LRMDA: variants seen among roughly 807,000 people sequenced by gnomAD.
LRMDA encodes the protein leucine-rich melanocyte differentiation-associated protein.
Under a neutral mutation model 29.8 loss-of-function variants are expected in LRMDA, and 18 were observed. That is an observed-to-expected ratio of 0.60 (90% CI 0.42 to 0.90). The LOEUF is 0.90. LRMDA is among the 40% of genes least tolerant of loss of function. LRMDA has a pLI of 0.00. For missense variants in LRMDA, 273 were observed against 273.9 expected (o/e 1.00, Z 0.02); for synonymous variants, 125 against 109.4 (o/e 1.14, Z -0.89).
At chr10:75,523,537 G>A (rs1436332660) in intron 2 of LRMDA, among the ~76,000 whole-genome samples, 1 of 152,194 alleles carries the variant, frequency 6.6e-6, no homozygotes. Context: ...GGAGCTATGT[G>A]GGGACTGTGT....
chr10:76,201,872 T>C (rs904309567), intron 5 of LRMDA, among the ~76,000 whole-genome samples: 5 of 152,164 alleles, frequency 3.3e-5, no homozygotes, highest in South Asian at 2.1e-4. Context: ...GTTGTGCAGA[T>C]TGGCAGTTTG....
chr10:75,630,623 C>T (rs140294950), intron 2 of LRMDA, among the ~76,000 whole-genome samples: 3 of 152,288 alleles, frequency 2.0e-5, no homozygotes, highest in African/African-American at 4.8e-5. Flanking sequence ...TTGAAAATTT[C>T]CAAATCTCTC....
chr10:76,484,480 C>G (rs774063637), intron 6 of LRMDA, among the ~76,000 whole-genome samples: 1 of 151,892 alleles, frequency 6.6e-6, no homozygotes, highest in East Asian at 2.0e-4. Context: ...CTTTGATTTT[C>G]TCCTTTGGTG....
chr10:75,855,780 T>G (rs1844814910), intron 2 of LRMDA, among the ~76,000 whole-genome samples: 1 of 152,228 alleles, frequency 6.6e-6, no homozygotes, highest in African/African-American at 2.4e-5. Flanking sequence ...GCTTTCTACA[T>G]ATGGCTAGCC....
At chr10:76,469,769 G>C (rs2132315670) in intron 6 of LRMDA, among the ~76,000 whole-genome samples, 1 of 152,158 alleles carries the variant, frequency 6.6e-6, no homozygotes, top group African/African-American at 2.4e-5. Flanking sequence ...GAAACAGATA[G>C]CTAAGAACTC....
chr10:75,538,556 C>G (rs1343119480), intron 2 of LRMDA, among the ~76,000 whole-genome samples: 1 of 152,144 alleles, frequency 6.6e-6, no homozygotes, highest in African/African-American at 2.4e-5. Context: ...TGGCACTTCA[C>G]TGAGCATGAA....
At chr10:76,182,643 C>G (rs1279099918) in intron 5 of LRMDA, among the ~76,000 whole-genome samples, 2 of 152,070 alleles carry the variant, frequency 1.3e-5, no homozygotes, top group East Asian at 3.9e-4. Context: ...AGTTAGCACA[C>G]TGTAGACAGG....
At chr10:76,479,047 T>A (rs949421629) in intron 6 of LRMDA, among the ~76,000 whole-genome samples, 2 of 151,096 alleles carry the variant, frequency 1.3e-5, no homozygotes, top group South Asian at 4.2e-4. Flanking sequence ...TAAAGTATAA[T>A]AAAAATATAT....
At chr10:76,084,891 C>T (rs1427831589) in intron 5 of LRMDA, among the ~76,000 whole-genome samples, 3 of 152,126 alleles carry the variant, frequency 2.0e-5, no homozygotes, top group African/African-American at 7.2e-5. Flanking sequence ...TCTCTTAGGT[C>T]CTTGCTCAAT....
chr10:75,783,206 C>T (rs763415420), intron 2 of LRMDA, among the ~76,000 whole-genome samples: 1 of 152,060 alleles, frequency 6.6e-6, no homozygotes, highest in Non-Finnish European at 1.5e-5. Flanking sequence ...TGGGTATTAG[C>T]TGTGTTGAAA....
chr10:76,385,649 C>T (rs1841650481), intron 6 of LRMDA, among the ~76,000 whole-genome samples: 4 of 152,198 alleles, frequency 2.6e-5, no homozygotes, highest in African/African-American at 7.2e-5. Context: ...CTCTACATTT[C>T]TGGAAGTCCT....
intron 5 of LRMDA, among the ~76,000 whole-genome samples, chr10:76,210,149 C>A (rs1352658113): frequency 1.3e-5 from 2 of 152,160 alleles, no homozygotes; most frequent in African/African-American, 4.8e-5. Context: ...CCTAAACATT[C>A]AATCAGTTAA....
chr10:75,602,338 C>T (rs1021710847), intron 2 of LRMDA, among the ~76,000 whole-genome samples: 2 of 152,154 alleles, frequency 1.3e-5, no homozygotes, highest in Non-Finnish European at 2.9e-5. Context: ...AGCATATGGA[C>T]TGAATAAACT....
intron 2 of LRMDA, among the ~76,000 whole-genome samples, chr10:75,670,678 T>C (rs1841880520): frequency 6.6e-6 from 1 of 152,214 alleles, no homozygotes; most frequent in Non-Finnish European, 1.5e-5. Flanking sequence ...TTCTCTCTCC[T>C]TCCCGTTTGT....
chr10:75,561,219 G>T (rs9416068), intron 2 of LRMDA, among the ~76,000 whole-genome samples: 4 of 150,566 alleles, frequency 2.7e-5, no homozygotes, highest in Admixed American at 2.7e-4. Context: ...AGAGCCTGTT[G>T]TTGGTCTATT....
At chr10:76,318,475 T>A (rs886474763) in intron 5 of LRMDA, 1 of 152,410 alleles carries the variant, frequency 6.6e-6, no homozygotes, top group Non-Finnish European at 1.5e-5. Flanking sequence ...CACCAGCCTC[T>A]GCTGTGACCA....
intron 5 of LRMDA, among the ~76,000 whole-genome samples, chr10:76,075,290 A>T (rs866211066): frequency 6.6e-6 from 1 of 152,218 alleles, no homozygotes; most frequent in African/African-American, 2.4e-5. Flanking sequence ...TGTTTCCCTT[A>T]TAAGAAGAGG....
chr10:76,540,707 A>T (rs1843344370), intron 6 of LRMDA, among the ~76,000 whole-genome samples: 1 of 152,182 alleles, frequency 6.6e-6, no homozygotes, highest in Non-Finnish European at 1.5e-5. Context: ...TCTGTTGAAA[A>T]TTTGTACCAA....
At chr10:76,304,516 A>G (rs1292375675) in intron 5 of LRMDA, among the ~76,000 whole-genome samples, 2 of 152,162 alleles carry the variant, frequency 1.3e-5, no homozygotes, top group Non-Finnish European at 2.9e-5. Context: ...CCACCTGTCC[A>G]ACACTGAGAA....
Sources: allele counts gnomAD v4.1 joint callset (sites outside exome capture counted in the v4.1 genomes callset), GRCh38; gene constraint gnomAD v4.1.1; transcripts MANE v1.5; gene names NCBI Gene and HGNC (gene_info 2026-07-23, HGNC 2026-07-21).